PARVB: variants seen among roughly 807,000 people sequenced by gnomAD.
PARVB encodes the protein beta-parvin.
In PARVB, 46 loss-of-function variants were observed where a neutral mutation model predicts 47.0. The observed-to-expected ratio is 0.98, with a 90% CI of 0.77 to 1.25. The LOEUF (loss-of-function observed/expected upper bound fraction) is 1.25. PARVB is among the 50% of genes most tolerant of loss of function. The probability of loss-of-function intolerance (pLI) is 0.00; values close to 1 mark genes in which losing one functional copy is unlikely to be tolerated. For synonymous variants in PARVB, 196 were observed against 196.3 expected, an observed-to-expected ratio of 1.00 and a Z score of 0.01; for missense variants, 473 against 471.6, an observed-to-expected ratio of 1.00 and a Z score of -0.03.
intron 1 of PARVB, among the ~76,000 whole-genome samples, chr22:44,071,126 G>A (rs561152514): frequency 3.3e-5 from 5 of 152,152 alleles, no homozygotes; most frequent in African/African-American, 4.8e-5. Context: ...GATACTGAGC[G>A]CTCTGTCCCC....
chr22:44,168,920 C>A lies in PARVB; in HGVS notation c.*242C>A. 1 of 484,798 alleles carries A rather than the reference C, an allele frequency of 2.1e-6. No homozygotes were observed. Among genetic ancestry groups the A allele is most frequent in the Non-Finnish European group, 3.7e-6 (1 of 269,012 alleles). 30.0% of individuals were successfully genotyped at this position (484,798 alleles called of 1,614,324 possible). Reference sequence around the variant, plus strand: ...GCCTTTGAAAATGCAGGATTCTAAACACTCGTGCTTGCGTTTGAAGCCTCG... The same window carrying A: ...GCCTTTGAAAATGCAGGATTCTAAAAACTCGTGCTTGCGTTTGAAGCCTCG... On this transcript the variant is annotated 3_prime_UTR_variant, in exon 13 of 13. Coordinates refer to ENST00000338758, the MANE Select transcript of PARVB (RefSeq NM_013327.5).
chr22:44,018,706 A>T (rs1259304931), intron 2 of PARVB, among the ~76,000 whole-genome samples: 1 of 151,922 alleles, frequency 6.6e-6, no homozygotes, highest in African/African-American at 2.4e-5. Context: ...AGTTCTCTCA[A>T]TGGCCACCTC....
chr22:44,101,608 G>A (rs944461273), intron 3 of PARVB, among the ~76,000 whole-genome samples: 4 of 151,648 alleles, frequency 2.6e-5, no homozygotes, highest in African/African-American at 7.3e-5. Context: ...AAAATTTGCC[G>A]GGCATGGTGG....
rs111239112 is a variant in PARVB at position 44,166,105 on chromosome 22, C to A, written c.1018+2175C>A. ...AGGGAGCCCTGCTTCTTTGTCCTCC[C>A]GAACCCACGACTTTTTTTTTCTGAG... On this transcript the variant is annotated intron_variant, in intron 12 of 12. Coordinates refer to ENST00000338758, the MANE Select transcript of PARVB (RefSeq NM_013327.5). 2.6e-3 allele frequency among the ~76,000 whole-genome samples: 400 copies of A among 152,238 alleles called. 2 individuals are homozygous for A. Among genetic ancestry groups the A allele is most frequent in the African/African-American group, 8.6e-3 (358 of 41,540 alleles).
chr22:44,036,399 G>A (rs868643737), intron 1 of PARVB, among the ~76,000 whole-genome samples: 2 of 152,288 alleles, frequency 1.3e-5, no homozygotes, highest in African/African-American at 4.8e-5. Flanking sequence ...AGATTTGTAT[G>A]TATTTTATGG....
intron 2 of PARVB, among the ~76,000 whole-genome samples, chr22:44,008,570 C>G (rs1464150993): frequency 6.6e-6 from 1 of 152,172 alleles, no homozygotes; most frequent in East Asian, 1.9e-4. Context: ...TTGCAGCATA[C>G]TTTGGCTGAC....
At chr22:44,066,112 A>G (rs554087670) in intron 1 of PARVB, among the ~76,000 whole-genome samples, 11 of 152,198 alleles carry the variant, frequency 7.2e-5, no homozygotes, top group South Asian at 2.1e-4. Flanking sequence ...GCAAACATCT[A>G]TTGAGCGCCT....
intron 1 of PARVB, chr22:43,999,424 T>G (rs544023268): frequency 4.3e-5 from 69 of 1,605,956 alleles, no homozygotes; most frequent in Non-Finnish European, 5.5e-5. Context: ...GAGCTGTGAT[T>G]TAAACAAAAC....
intron 1 of PARVB, among the ~76,000 whole-genome samples, chr22:44,078,072 C>G (rs2051817696): frequency 6.6e-6 from 1 of 152,132 alleles, no homozygotes; most frequent in Non-Finnish European, 1.5e-5. Flanking sequence ...ATTTGCAGAG[C>G]CGTGTGGTGG....
intron 2 of PARVB, among the ~76,000 whole-genome samples, chr22:44,096,925 C>G (rs1324695594): frequency 6.6e-6 from 1 of 152,100 alleles, no homozygotes; most frequent in African/African-American, 2.4e-5. Context: ...GCCCACCTAG[C>G]CTGTGTGGAC....
At position 44,103,228 on chromosome 22, in the gene PARVB, T is replaced by C. The variant is rs1393931646; in HGVS notation, c.273+3105T>C. On this transcript the variant is annotated intron_variant, in intron 3 of 12. Transcript: ENST00000338758. This position sits in a 1 kb window ranked among gnomAD's most constrained non-coding sequence, Gnocchi z 4.6. ...TGATGGGAAAGCTAATTAGCATCCT[T>C]TGGGGCAAAGTACAACTATGGGGCA... 1 of 152,166 alleles carries C rather than the reference T, an allele frequency of 6.6e-6. No individual in the cohort carries two copies. The highest frequency in any genetic ancestry group is 1.5e-5 in the Non-Finnish European group (1 of 68,054). The allele number at this position is 152,166 out of a possible 1,614,324, so 9.4% of individuals were successfully genotyped here. A position where few individuals can be genotyped will look rare whatever the true frequency, so the allele number is the denominator to read the frequency against.
chr22:44,054,115 C>A (rs776605984), intron 1 of PARVB, among the ~76,000 whole-genome samples: 1 of 152,200 alleles, frequency 6.6e-6, no homozygotes, highest in Non-Finnish European at 1.5e-5. Flanking sequence ...GGGGGCCCCT[C>A]TCTGGAGTGA....
intron 1 of PARVB, among the ~76,000 whole-genome samples, chr22:44,066,799 CTCCTCCTCCTCCTCCTCCTCCTCT>C (rs1054393153): frequency 1.4e-4 from 20 of 145,792 alleles, no homozygotes; most frequent in African/African-American, 3.6e-4. Flanking sequence ...CCTCCTCCTC[CTCCTCCTCCTCCTCCTCCTCCTCT>C]TCCTCCTCCA....
intron 1 of PARVB, among the ~76,000 whole-genome samples, chr22:44,073,852 C>T (rs535633187): frequency 6.6e-6 from 1 of 152,366 alleles, no homozygotes; most frequent in South Asian, 2.1e-4. Flanking sequence ...GGCCTGCACA[C>T]AGGAGATCCT....
intron 12 of PARVB, among the ~76,000 whole-genome samples, chr22:44,165,655 C>T (rs533602587): frequency 3.2e-4 from 48 of 152,338 alleles, no homozygotes; most frequent in African/African-American, 1.0e-3. Context: ...CCTGCCTCCA[C>T]GCGTCATGGG....
At chr22:44,157,419 A>G (rs972838213) in intron 10 of PARVB, among the ~76,000 whole-genome samples, 5 of 152,196 alleles carry the variant, frequency 3.3e-5, no homozygotes, top group Non-Finnish European at 7.3e-5. Flanking sequence ...CTCAGCTCCA[A>G]ACACTCATCA....
At chr22:44,082,653 C>T (rs143401104) in intron 1 of PARVB, among the ~76,000 whole-genome samples, 2 of 152,310 alleles carry the variant, frequency 1.3e-5, no homozygotes, top group Non-Finnish European at 2.9e-5. Context: ...CCGGCCCCTC[C>T]ATGCCCCGGT....
chr22:44,084,418 C>T (rs2051976996), intron 1 of PARVB, among the ~76,000 whole-genome samples: 2 of 152,322 alleles, frequency 1.3e-5, no homozygotes, highest in South Asian at 2.1e-4. Flanking sequence ...ATAACAGTCA[C>T]CTCCAGAAGG....
intron 1 of PARVB, among the ~76,000 whole-genome samples, chr22:44,038,271 C>G (rs2050956300): frequency 6.6e-6 from 1 of 152,122 alleles, no homozygotes; most frequent in African/African-American, 2.4e-5. Flanking sequence ...TGTGTATTTG[C>G]CCAGCAAGCA....
Sources: allele counts gnomAD v4.1 joint callset (sites outside exome capture counted in the v4.1 genomes callset), GRCh38; gene constraint gnomAD v4.1.1; non-coding constraint Gnocchi (gnomAD v3.1); transcripts MANE v1.5; gene names NCBI Gene and HGNC (gene_info 2026-07-23, HGNC 2026-07-21).